Variants in PDE4D observed in about 807,000 individuals in gnomAD.
PDE4D encodes phosphodiesterase 4D.
A neutral mutation model predicts 87.4 loss-of-function variants in PDE4D; 24 were observed. The observed-to-expected ratio is 0.27, with a 90% CI of 0.20 to 0.39. The LOEUF (loss-of-function observed/expected upper bound fraction) is 0.39, where lower values mean the gene tolerates loss of function less well. PDE4D is among the 10% of genes least tolerant of loss of function. The pLI, the probability that PDE4D is intolerant of heterozygous loss-of-function variation, is 1.00. For synonymous variants in PDE4D, 384 were observed against 383.2 expected (o/e 1.00, Z -0.02); for missense variants, 714 against 1,041.0 (o/e 0.69, Z 4.32).
intron 1 of PDE4D, among the ~76,000 whole-genome samples, chr5:59,526,871 C>T (rs796779147): frequency 1.4e-4 from 21 of 152,306 alleles, no homozygotes; most frequent in African/African-American, 5.1e-4. Flanking sequence ...AGCAATCCAC[C>T]AGCCTTGGCC....
chr5:59,918,257 AT>A (rs960687288), intron 3 of PDE4D, among the ~76,000 whole-genome samples: 122 of 149,700 alleles, frequency 8.1e-4, no homozygotes, highest in African/African-American at 2.4e-3. Flanking sequence ...ATGTGTGTGT[AT>A]TTTTTTTTTA....
At chr5:59,268,141 T>C (rs1763162029) in intron 1 of PDE4D, among the ~76,000 whole-genome samples, 1 of 152,092 alleles carries the variant, frequency 6.6e-6, no homozygotes, top group African/African-American at 2.4e-5. Context: ...TTCTAACTCT[T>C]ATTCTGAAGA....
intron 1 of PDE4D, among the ~76,000 whole-genome samples, chr5:60,264,756 C>T (rs767319362): frequency 2.6e-5 from 4 of 152,148 alleles, no homozygotes; most frequent in Non-Finnish European, 5.9e-5. Flanking sequence ...GTTGGAAGAA[C>T]CTGGAGAAGT....
chr5:59,631,450 A>G (rs73099687), intron 1 of PDE4D, among the ~76,000 whole-genome samples: 2,518 of 152,280 alleles, frequency 0.017, 70 homozygotes, highest in African/African-American at 0.056. Context: ...CAATTGTAAG[A>G]GAATAAAGAT....
chr5:59,811,366 T>C (rs570513975), intron 1 of PDE4D, among the ~76,000 whole-genome samples: 1 of 152,256 alleles, frequency 6.6e-6, no homozygotes, highest in Non-Finnish European at 1.5e-5. Context: ...GAGATGCACA[T>C]ACCAAAAATA....
intron 3 of PDE4D, among the ~76,000 whole-genome samples, chr5:59,948,121 G>A (rs1183158118): frequency 6.6e-6 from 1 of 152,210 alleles, no homozygotes; most frequent in Non-Finnish European, 1.5e-5. Context: ...ACTAGCGAGT[G>A]TAGTTAATAG....
chr5:60,093,181 A>C (rs1170554002), intron 2 of PDE4D, among the ~76,000 whole-genome samples: 1 of 152,134 alleles, frequency 6.6e-6, no homozygotes, highest in African/African-American at 2.4e-5. Context: ...AGATGCATGA[A>C]GCACATATTC....
chr5:59,753,863 C>T (rs1029687264), intron 1 of PDE4D, among the ~76,000 whole-genome samples: 4 of 152,184 alleles, frequency 2.6e-5, no homozygotes, highest in African/African-American at 9.7e-5. Context: ...TGTGTATGTA[C>T]GTGTTCATTT....
intron 5 of PDE4D, among the ~76,000 whole-genome samples, chr5:59,161,772 T>C (rs1048602573): frequency 1.3e-5 from 2 of 152,230 alleles, no homozygotes; most frequent in African/African-American, 4.8e-5. Context: ...TTTCCCCCTG[T>C]ATTTACTTAA....
intron 2 of PDE4D, among the ~76,000 whole-genome samples, chr5:60,151,645 T>C (rs1781515214): frequency 6.6e-6 from 1 of 152,312 alleles, no homozygotes; most frequent in South Asian, 2.1e-4. Flanking sequence ...CAGATTTTTG[T>C]AGAAAGAGGG....
At chr5:59,750,943 C>CT (rs1231583644) in intron 1 of PDE4D, among the ~76,000 whole-genome samples, 1 of 91,916 alleles carries the variant, frequency 1.1e-5, no homozygotes, top group African/African-American at 5.0e-5. Flanking sequence ...AAGACCCTGT[C>CT]TCAAAAAAAA....
At chr5:60,473,202 AAAG>A (rs1747988101) in intron 1 of PDE4D, among the ~76,000 whole-genome samples, 1 of 151,114 alleles carries the variant, frequency 6.6e-6, no homozygotes, top group Non-Finnish European at 1.5e-5. Flanking sequence ...AAAAAGAAAG[AAAG>A]AAAAGAAAGA....
intron 1 of PDE4D, among the ~76,000 whole-genome samples, chr5:59,714,225 C>A (rs1202760180): frequency 6.6e-6 from 1 of 152,182 alleles, no homozygotes; most frequent in South Asian, 2.1e-4. Context: ...CGATAAGCAG[C>A]CCAATGAAGT....
chr5:59,724,246 T>G (rs1048875980), intron 1 of PDE4D, among the ~76,000 whole-genome samples: 8 of 152,112 alleles, frequency 5.3e-5, no homozygotes, highest in Admixed American at 4.6e-4. Flanking sequence ...TGCTGGCTAC[T>G]TCTGGGATTA....
At chr5:59,393,781 G>A (rs1788719408) in intron 1 of PDE4D, among the ~76,000 whole-genome samples, 1 of 152,176 alleles carries the variant, frequency 6.6e-6, no homozygotes, top group African/African-American at 2.4e-5. Flanking sequence ...ATCAAGGGCA[G>A]GTGCCAGGTA....
chr5:58,974,183 AT>A lies in PDE4D; in HGVS notation c.*480del, dbSNP rs1383420300. On this transcript the variant is annotated 3_prime_UTR_variant, in exon 15 of 15. Transcript: ENST00000340635. ...CAGGAAGACTTGAAATTAGAAAATT[AT>A]GCAATTTCTGTGGCTCATCCTCCTC... The A allele has an allele frequency of 6.5e-6, 1 of 152,786 alleles. No individual in the cohort carries two copies. The highest frequency in any genetic ancestry group is 1.5e-5 in the Non-Finnish European group (1 of 68,412). 9.5% of individuals were successfully genotyped at this position (152,786 alleles called of 1,614,324 possible).
intron 1 of PDE4D, among the ~76,000 whole-genome samples, chr5:59,599,599 G>GT (rs1307227559): frequency 6.6e-6 from 1 of 152,066 alleles, no homozygotes; most frequent in Non-Finnish European, 1.5e-5. Context: ...AGGCAATAGA[G>GT]ACCTTTGCAT....
chr5:59,546,643 C>G (rs1817316157), intron 1 of PDE4D, among the ~76,000 whole-genome samples: 1 of 152,080 alleles, frequency 6.6e-6, no homozygotes. Flanking sequence ...TCCCCTATCT[C>G]ACATCTTTTA....
At chr5:59,753,206 T>C (rs183966355) in intron 1 of PDE4D, among the ~76,000 whole-genome samples, 3 of 152,294 alleles carry the variant, frequency 2.0e-5, no homozygotes, top group East Asian at 3.9e-4. Flanking sequence ...AAGGAGCTAG[T>C]GGCACAAAGA....
Sources: gnomAD v4.1 joint callset for allele counts (sites outside exome capture counted in the v4.1 genomes callset) on GRCh38, gnomAD v4.1.1 for gene constraint, MANE v1.5 for transcripts, NCBI Gene and HGNC (gene_info 2026-07-23, HGNC 2026-07-21) for gene names.